The following UVRAG variants were observed in gnomAD, a reference collection of about 807,000 sequenced individuals.
The protein encoded by UVRAG is UV radiation resistance-associated gene protein.
Under a neutral mutation model 78.0 loss-of-function variants are expected in UVRAG, and 19 were observed. The observed-to-expected ratio is 0.24, with a 90% CI of 0.17 to 0.36. UVRAG has a LOEUF of 0.36. Among genes scored for constraint, UVRAG ranks in the 10% least tolerant of loss-of-function variants. The pLI is 1.00. For synonymous variants in UVRAG, 323 were observed against 324.6 expected (o/e 1.00, Z 0.05); for missense variants, 740 against 853.8 (o/e 0.87, Z 1.66).
intron 1 of UVRAG, among the ~76,000 whole-genome samples, chr11:75,818,668 G>A (rs1013346932): frequency 2.0e-5 from 3 of 151,910 alleles, no homozygotes; most frequent in Non-Finnish European, 4.4e-5. Flanking sequence ...TAGTAGAGAC[G>A]GGGTTTCATT....
rs113843358 is a variant in UVRAG at position 76,030,764 on chromosome 11, C to G, written c.1226+13784C>G. 1.8e-3 allele frequency among the ~76,000 whole-genome samples: 274 copies of G among 152,324 alleles called. 1 individual carries two copies. Among genetic ancestry groups the G allele is most frequent in the African/African-American group, 6.3e-3 (260 of 41,578 alleles). On this transcript the variant is annotated intron_variant, in intron 12 of 14. Transcript: ENST00000356136. ...ATGAAGCCCTCCCTTATTATCAAAA[C>G]TTTCATCGTAAGCTCTTTCTTGATT... is the stretch of plus-strand genomic sequence containing the variant.
intron 6 of UVRAG, among the ~76,000 whole-genome samples, chr11:75,945,693 C>T (rs1223950647): frequency 6.6e-6 from 1 of 152,096 alleles, no homozygotes; most frequent in Non-Finnish European, 1.5e-5. Flanking sequence ...TGACCTCTGC[C>T]TGCCTTTTTA....
chr11:75,985,883 A>G (rs1949492785), intron 8 of UVRAG, among the ~76,000 whole-genome samples: 1 of 151,380 alleles, frequency 6.6e-6, no homozygotes. Flanking sequence ...CTATTGATCT[A>G]TTTTTCTGGT....
intron 6 of UVRAG, among the ~76,000 whole-genome samples, chr11:75,943,359 A>G (rs1374185514): frequency 1.3e-5 from 2 of 150,496 alleles, no homozygotes; most frequent in South Asian, 2.1e-4. Flanking sequence ...TTCCTTTTAA[A>G]TTGTAAAAAT....
chr11:75,955,297 A>G (rs771020034), intron 6 of UVRAG, among the ~76,000 whole-genome samples: 2 of 152,228 alleles, frequency 1.3e-5, no homozygotes, highest in African/African-American at 2.4e-5. Flanking sequence ...TACTGGTCCC[A>G]TGAACAAAAT....
chr11:75,916,949 C>G (rs1229951145), intron 6 of UVRAG, among the ~76,000 whole-genome samples: 1 of 152,174 alleles, frequency 6.6e-6, no homozygotes, highest in Non-Finnish European at 1.5e-5. Flanking sequence ...AAGCACCAGT[C>G]TTAGATTTTA....
At chr11:75,874,681 A>T (rs1946726573) in intron 3 of UVRAG, among the ~76,000 whole-genome samples, 1 of 152,378 alleles carries the variant, frequency 6.6e-6, no homozygotes, top group East Asian at 1.9e-4. Flanking sequence ...AATACTTTAT[A>T]TAGTGACTGT....
In UVRAG at chr11:76,005,300, G is replaced by A. The variant is rs549392699; in HGVS notation, c.911+1211G>A. Among the ~76,000 whole-genome samples, 15 of 152,120 alleles carry A rather than the reference G, an allele frequency of 9.9e-5. No individual in the cohort carries two copies. In the South Asian group the frequency reaches 2.5e-3, roughly 25 times the overall value. On this transcript the variant is annotated intron_variant, in intron 9 of 14. Transcript: ENST00000356136. ...GGAGCTTGCAGTGAGCCGAGATGGC[G>A]CCACTGCACTCCAGTCTGGGCGACA...
chr11:75,959,700 A>G (rs1000459541), intron 6 of UVRAG, among the ~76,000 whole-genome samples: 1 of 152,162 alleles, frequency 6.6e-6, no homozygotes, highest in Non-Finnish European at 1.5e-5. Flanking sequence ...TGCATTCACA[A>G]CTTGGCTGAC....
At chr11:76,066,541 C>T (rs1489533055) in intron 13 of UVRAG, among the ~76,000 whole-genome samples, 5 of 151,966 alleles carry the variant, frequency 3.3e-5, no homozygotes, top group African/African-American at 4.8e-5. Flanking sequence ...GGCGCGATCT[C>T]GGCTCACTGC....
chr11:76,080,028 G>A (rs1951469092), intron 13 of UVRAG, among the ~76,000 whole-genome samples: 1 of 152,194 alleles, frequency 6.6e-6, no homozygotes, highest in African/African-American at 2.4e-5. Flanking sequence ...CATGGCAGAT[G>A]TGAGATGGAG....
intron 2 of UVRAG, 72 bp downstream of exon 2, chr11:75,852,072 C>G (rs1946165111): frequency 9.4e-7 from 1 of 1,058,460 alleles, no homozygotes; most frequent in African/African-American, 1.6e-5. Flanking sequence ...AAGTGATTCT[C>G]AGTGCCTCCT....
intron 1 of UVRAG, among the ~76,000 whole-genome samples, chr11:75,827,999 G>A (rs2057662986): frequency 6.6e-6 from 1 of 151,794 alleles, no homozygotes; most frequent in Non-Finnish European, 1.5e-5. Context: ...GTATACATGA[G>A]AAGTAGCAAC....
intron 2 of UVRAG, among the ~76,000 whole-genome samples, chr11:75,854,097 T>C (rs967453881): frequency 2.6e-5 from 4 of 152,120 alleles, no homozygotes; most frequent in Non-Finnish European, 4.4e-5. Flanking sequence ...TTTGAAACAA[T>C]TGTATTCATC....
At chr11:76,082,675 T>G (rs538620328) in intron 13 of UVRAG, among the ~76,000 whole-genome samples, 1 of 152,174 alleles carries the variant, frequency 6.6e-6, no homozygotes, top group African/African-American at 2.4e-5. Flanking sequence ...GCATCATATA[T>G]CAGAAGAAAA....
intron 6 of UVRAG, among the ~76,000 whole-genome samples, chr11:75,923,237 T>A (rs1948018200): frequency 1.3e-5 from 2 of 152,212 alleles, no homozygotes; most frequent in African/African-American, 4.8e-5. Context: ...ATATATTTTC[T>A]TCCTTTATAA....
chr11:75,815,452 C>T lies in UVRAG; in HGVS notation c.45C>T (p.Pro15=), dbSNP rs1945238600. The change falls in exon 1 of 15, where the codon CCC becomes CCT. Residue 15 remains proline, a synonymous_variant. Coordinates refer to ENST00000356136, the MANE Select transcript of UVRAG (RefSeq NM_003369.4). ...TCGGGGGCCCCGTCCCCCAGCCACCCCCGGGCCCGGCCGCTGCTCTGCCTC... is the reference window on the plus strand; with the variant it reads ...TCGGGGGCCCCGTCCCCCAGCCACCTCCGGGCCCGGCCGCTGCTCTGCCTC... ...ASVGGPVPQP[P]PGPAAALPPG... is the part of the protein sequence containing the mutation. 3 of 1,248,624 alleles carry T rather than the reference C, an allele frequency of 2.4e-6. No homozygotes were observed. The highest frequency in any genetic ancestry group is 1.5e-5 in the African/African-American group (1 of 64,618). 77.3% of individuals were successfully genotyped at this position (1,248,624 alleles called of 1,614,324 possible). A position where few individuals can be genotyped will look rare whatever the true frequency, so the allele number is the denominator to read the frequency against.
rs75386556 is a variant in UVRAG, at chr11:75,986,728, A to G, written c.826+3215A>G. Among the ~76,000 whole-genome samples, 1,016 of 152,206 alleles carry G rather than the reference A, an allele frequency of 6.7e-3. 14 individuals are homozygous for G. Among genetic ancestry groups the G allele is most frequent in the African/African-American group, 0.023 (966 of 41,542 alleles). On this transcript the variant is annotated intron_variant, in intron 8 of 14. Transcript: ENST00000356136. ...TCACCACAATCTGATTGTCCTACCT[A>G]AAAGAAAACTCATGTGCATTAGCAG...
chr11:76,083,602 C>G (rs1951536830), intron 13 of UVRAG, among the ~76,000 whole-genome samples: 1 of 152,150 alleles, frequency 6.6e-6, no homozygotes, highest in Non-Finnish European at 1.5e-5. Context: ...TTTTAATACA[C>G]TAATTGTGGT....
Sources: allele counts gnomAD v4.1 joint callset (sites outside exome capture counted in the v4.1 genomes callset), GRCh38; gene constraint gnomAD v4.1.1; transcripts MANE v1.5; gene names NCBI Gene and HGNC (gene_info 2026-07-23, HGNC 2026-07-21).